TMTC4: variants seen among roughly 807,000 people sequenced by gnomAD.
TMTC4 encodes the protein transmembrane O-mannosyltransferase targeting cadherins 4, also known as protein O-mannosyl-transferase TMTC4.
TMTC4 carries 65 observed loss-of-function variants against 86.0 expected under a neutral mutation model. That is an observed-to-expected ratio of 0.76 (90% CI 0.62 to 0.93). The LOEUF is 0.93. Among genes scored for constraint, TMTC4 ranks in the 40% least tolerant of loss-of-function variants. The pLI is 0.00. For missense variants in TMTC4, 866 were observed against 948.1 expected (o/e 0.91, Z 1.14); for synonymous variants, 379 against 382.5 (o/e 0.99, Z 0.11).
chr13:100,613,517 T>C (rs1225362936), intron 16 of TMTC4, among the ~76,000 whole-genome samples: 1 of 150,716 alleles, frequency 6.6e-6, no homozygotes, highest in Non-Finnish European at 1.5e-5. Context: ...GGGGGCTCCT[T>C]TGAGTGAAGT....
At chr13:100,623,861 C>T (rs939512072) in intron 15 of TMTC4, 7 of 484,102 alleles carry the variant, frequency 1.4e-5, no homozygotes, top group African/African-American at 1.4e-4. Flanking sequence ...CTGTTTTCCT[C>T]TTCACAGATG....
intron 12 of TMTC4, among the ~76,000 whole-genome samples, chr13:100,634,297 G>T (rs1299855092): frequency 1.3e-5 from 2 of 152,140 alleles, no homozygotes; most frequent in African/African-American, 4.8e-5. Context: ...GCACCCAAAG[G>T]TGACATAAAT....
At chr13:100,658,563 G>A (rs1440071931) in intron 5 of TMTC4, among the ~76,000 whole-genome samples, 1 of 151,932 alleles carries the variant, frequency 6.6e-6, no homozygotes, top group Non-Finnish European at 1.5e-5. Context: ...AGAGACCAAG[G>A]GGAAGTGAGG....
intron 9 of TMTC4, among the ~76,000 whole-genome samples, chr13:100,637,280 T>C (rs1157066705): frequency 1.3e-5 from 2 of 151,386 alleles, no homozygotes; most frequent in African/African-American, 2.4e-5. Context: ...GCAAGGACCC[T>C]GATGTGAGAA....
intron 17 of TMTC4, 129 bp from the exon 18 acceptor site, chr13:100,606,556 C>T: frequency 1.4e-6 from 1 of 739,284 alleles, no homozygotes; most frequent in Non-Finnish European, 2.2e-6. Flanking sequence ...CCTCCAGAAA[C>T]ACTCGGAAGG....
rs577618761 is a variant in TMTC4 at position 100,668,449 on chromosome 13, C to T, written c.219+130G>A. ...GGCGATGTTGAAAAGAGAGAAAAAT[C>T]GAGAGCACCATCGGGGCCCAGGCCA... is the stretch of plus-strand genomic sequence containing the variant. On this transcript the variant is annotated intron_variant, in intron 3 of 18. Coordinates refer to ENST00000342624, the MANE Select transcript of TMTC4 (RefSeq NM_032813.5). The T allele has an allele frequency of 7.7e-5, 69 of 898,940 alleles. No individual in the cohort carries two copies. The South Asian group carries it at 1.1e-3, about 14-fold the overall frequency. The allele number at this position is 898,940 out of a possible 1,614,324, so 55.7% of individuals were successfully genotyped here.
chr13:100,672,653 G>C (rs1887272098), intron 1 of TMTC4, among the ~76,000 whole-genome samples: 1 of 152,116 alleles, frequency 6.6e-6, no homozygotes, highest in Non-Finnish European at 1.5e-5. Context: ...ACCATGCCTG[G>C]CTATTTTAAA....
intron 3 of TMTC4, chr13:100,668,280 AC>A: frequency 3.3e-6 from 1 of 307,546 alleles, no homozygotes; most frequent in Non-Finnish European, 6.0e-6. Flanking sequence ...AGTCTGCAAC[AC>A]CCTGCAATGC....
upstream of TMTC4, chr13:100,675,010 G>C: frequency 2.0e-6 from 2 of 985,602 alleles, no homozygotes; most frequent in Non-Finnish European, 1.2e-6. Flanking sequence ...GGACGCGCCG[G>C]TGACGTCAGG....
In TMTC4 at chr13:100,665,258, G is replaced by A. The variant is rs529975759; in HGVS notation, c.220-922C>T. ...GAAGAGAGGCAAACAAGGCACTGTG[G>A]TGGAGTAAGTAAGAAAAATGACAGA... On this transcript the variant is annotated intron_variant, in intron 3 of 18. Transcript: ENST00000342624. Among the ~76,000 whole-genome samples the A allele has an allele frequency of 2.6e-5, 4 of 152,338 alleles. No individual in the cohort carries two copies. The South Asian group carries it at 6.2e-4, about 24-fold the overall frequency.
At chr13:100,674,144 C>T (rs2786939) in intron 1 of TMTC4, 296,920 of 982,762 alleles carry the variant, frequency 0.3, 45,939 homozygotes, top group East Asian at 0.59. Context: ...CGAGCCCACG[C>T]CGGGAAGCGG....
chr13:100,625,651 T>A lies in TMTC4; in HGVS notation c.1720A>T (p.Asn574Tyr). The change falls in exon 15 of 19, where the codon AAT becomes TAT. Residue 574 changes from asparagine (N) to tyrosine (Y), a missense_variant. Coordinates refer to ENST00000342624, the MANE Select transcript of TMTC4 (RefSeq NM_032813.5). ...AGGCTATTCTGCACTATGCCTAGAT[T>A]CATCCACGCAGCGGCAAAGTCTGGC... ...IQPDFAAAWMNLGIVQNSLKR... is the reference protein window; with the variant it reads ...IQPDFAAAWMYLGIVQNSLKR... 2 of 1,614,158 alleles carry A rather than the reference T, an allele frequency of 1.2e-6. No individual in the cohort carries two copies. Among genetic ancestry groups the A allele is most frequent in the East Asian group, 2.2e-5 (1 of 44,878 alleles).
chr13:100,618,642 C>T (rs950156946), intron 15 of TMTC4, among the ~76,000 whole-genome samples: 2 of 145,192 alleles, frequency 1.4e-5, no homozygotes, highest in African/African-American at 4.9e-5. Flanking sequence ...TGCGGCCTTC[C>T]GCAGTGTTTG....
chr13:100,656,240 G>C, intron 6 of TMTC4, 141 bp downstream of exon 6: 2 of 617,076 alleles, frequency 3.2e-6, no homozygotes, highest in Non-Finnish European at 5.5e-6. Flanking sequence ...TATCTAAAGA[G>C]AGTTTATGCA....
chr13:100,610,726 G>C (rs1877431294), intron 17 of TMTC4, among the ~76,000 whole-genome samples: 2 of 152,208 alleles, frequency 1.3e-5, no homozygotes, highest in Admixed American at 1.3e-4. Flanking sequence ...CCCCTTAATA[G>C]AAATTCCAGC....
At position 100,637,487 on chromosome 13, in the gene TMTC4, A is replaced by C. The variant is rs373120369; in HGVS notation, c.999+51T>G. 9.0e-6 allele frequency: 14 copies of C among 1,563,876 alleles called. No homozygotes were observed. In the African/African-American group the frequency reaches 1.8e-4, roughly 20 times the overall value. ...GAGGAGGAGGGGTGAGGGATCTGGG[A>C]ATCTGGTGGGGGAAGAAAAGAGTCC... On this transcript the variant is annotated intron_variant, in intron 9 of 18. Transcript: ENST00000342624.
intron 17 of TMTC4, among the ~76,000 whole-genome samples, chr13:100,608,601 C>T (rs535180555): frequency 4.1e-4 from 63 of 152,222 alleles, no homozygotes; most frequent in African/African-American, 1.3e-3. Flanking sequence ...GTTGGAGGGG[C>T]CTCTTTAGAA....
At chr13:100,674,921 C>G, upstream of TMTC4, 1 of 985,276 alleles carries the variant, frequency 1.0e-6, no homozygotes, top group Non-Finnish European at 1.2e-6. Flanking sequence ...CCAGTCTCGG[C>G]CCGCCCCCTC....
intron 6 of TMTC4, among the ~76,000 whole-genome samples, chr13:100,649,596 T>A (rs556551449): frequency 1.1e-4 from 16 of 152,290 alleles, no homozygotes; most frequent in African/African-American, 3.4e-4. Context: ...AGAGTCTTAC[T>A]ATATTACATT....
Sources: allele counts gnomAD v4.1 joint callset (sites outside exome capture counted in the v4.1 genomes callset), GRCh38; gene constraint gnomAD v4.1.1; transcripts MANE v1.5; gene names NCBI Gene and HGNC (gene_info 2026-07-23, HGNC 2026-07-21).